The following CNTN5 variants were observed in gnomAD, a reference collection of about 807,000 sequenced individuals.
CNTN5 encodes the protein contactin-5.
CNTN5 carries 77 observed loss-of-function variants against 129.1 expected under a neutral mutation model. The observed-to-expected ratio is 0.60, with a 90% CI of 0.50 to 0.72. CNTN5 has a LOEUF of 0.72. CNTN5 is among the 30% of genes least tolerant of loss of function. CNTN5 has a pLI of 0.00. For missense variants in CNTN5, 1,478 were observed against 1,328.8 expected, an observed-to-expected ratio of 1.11 and a Z score of -1.75; for synonymous variants, 509 against 465.6, an observed-to-expected ratio of 1.09 and a Z score of -1.20.
intron 16 of CNTN5, among the ~76,000 whole-genome samples, chr11:100,240,387 A>G (rs558222601): frequency 9.2e-5 from 14 of 152,168 alleles, no homozygotes; most frequent in Admixed American, 2.0e-4. Flanking sequence ...GCTGAACTCC[A>G]ATGGCACACT....
At chr11:99,448,939 C>T (rs1322606770) in intron 2 of CNTN5, among the ~76,000 whole-genome samples, 1 of 151,426 alleles carries the variant, frequency 6.6e-6, no homozygotes, top group Non-Finnish European at 1.5e-5. Context: ...TACCACCATG[C>T]CTGGCTAATT....
intron 3 of CNTN5, among the ~76,000 whole-genome samples, chr11:99,713,071 G>A (rs114128293): frequency 0.066 from 10,058 of 152,076 alleles, 511 homozygotes; most frequent in East Asian, 0.19. Context: ...AAATTACTTC[G>A]GGCAATGTTG....
At chr11:100,056,018 A>C (rs565252547) in intron 9 of CNTN5, among the ~76,000 whole-genome samples, 5 of 151,686 alleles carry the variant, frequency 3.3e-5, no homozygotes, top group African/African-American at 1.2e-4. Context: ...GCTGTAATCT[A>C]TCTATCACTT....
chr11:99,854,820 T>C (rs1333774445), intron 6 of CNTN5, among the ~76,000 whole-genome samples: 1 of 152,022 alleles, frequency 6.6e-6, no homozygotes, highest in Non-Finnish European at 1.5e-5. Flanking sequence ...CCAACGACAA[T>C]TTGTGCTAGG....
At chr11:100,072,216 T>C (rs1943949255) in intron 12 of CNTN5, among the ~76,000 whole-genome samples, 1 of 152,154 alleles carries the variant, frequency 6.6e-6, no homozygotes, top group South Asian at 2.1e-4. Flanking sequence ...CAATGCTTAA[T>C]AATTTCCCAG....
At chr11:99,448,770 A>ATTTTATTTTATTTTG (rs1944178906) in intron 2 of CNTN5, among the ~76,000 whole-genome samples, 1 of 147,620 alleles carries the variant, frequency 6.8e-6, no homozygotes, top group Non-Finnish European at 1.5e-5. Context: ...ATTTTATTTT[A>ATTTTATTTTATTTTG]TTTTATTTTA....
At chr11:100,090,423 G>A in intron 13 of CNTN5, among the ~76,000 whole-genome samples, 1 of 144,292 alleles carries the variant, frequency 6.9e-6, no homozygotes, top group East Asian at 2.3e-4. Flanking sequence ...TTTCTTTTCT[G>A]CCTGCCTGCC....
At chr11:100,117,180 G>C (rs1208028956) in intron 13 of CNTN5, among the ~76,000 whole-genome samples, 1 of 151,972 alleles carries the variant, frequency 6.6e-6, no homozygotes, top group East Asian at 1.9e-4. Context: ...CAAAAACATT[G>C]TGTGTCTATT....
intron 1 of CNTN5, among the ~76,000 whole-genome samples, chr11:99,314,314 A>G (rs1565484306): frequency 6.6e-6 from 1 of 152,060 alleles, no homozygotes; most frequent in Non-Finnish European, 1.5e-5. Context: ...ATATCTCACA[A>G]CTATACAGAT....
intron 9 of CNTN5, among the ~76,000 whole-genome samples, chr11:100,019,928 C>T (rs1203031518): frequency 1.3e-5 from 2 of 151,972 alleles, no homozygotes; most frequent in African/African-American, 4.8e-5. Flanking sequence ...TACCTGTTGA[C>T]CATTTGTACC....
chr11:100,084,903 G>C (rs1372713770), intron 13 of CNTN5, among the ~76,000 whole-genome samples: 3 of 152,072 alleles, frequency 2.0e-5, no homozygotes, highest in African/African-American at 7.2e-5. Context: ...CAGTAACTGA[G>C]TCTATGAAAT....
intron 1 of CNTN5, among the ~76,000 whole-genome samples, chr11:99,323,596 T>A (rs1016621929): frequency 6.6e-6 from 1 of 151,618 alleles, no homozygotes; most frequent in South Asian, 2.1e-4. Flanking sequence ...TAGGGAAAAA[T>A]GATGCACTGT....
At chr11:99,049,053 A>G (rs1158840115) in intron 1 of CNTN5, among the ~76,000 whole-genome samples, 1 of 152,132 alleles carries the variant, frequency 6.6e-6, no homozygotes, top group Admixed American at 6.6e-5. Flanking sequence ...GAAACATGGT[A>G]TAGTATATGC....
At chr11:99,831,678 G>GC (rs2135613082) in intron 4 of CNTN5, among the ~76,000 whole-genome samples, 1 of 152,216 alleles carries the variant, frequency 6.6e-6, no homozygotes, top group African/African-American at 2.4e-5. Flanking sequence ...CAACCACTAA[G>GC]CTGGTCATCA....
chr11:99,813,643 A>G (rs1414893568), intron 3 of CNTN5, among the ~76,000 whole-genome samples: 1 of 152,142 alleles, frequency 6.6e-6, no homozygotes, highest in Non-Finnish European at 1.5e-5. Context: ...TACTTTAGAT[A>G]GAGAAAAATG....
chr11:99,621,597 A>G (rs1591373905), intron 3 of CNTN5, among the ~76,000 whole-genome samples: 1 of 152,174 alleles, frequency 6.6e-6, no homozygotes, highest in African/African-American at 2.4e-5. Context: ...TCTATAATCT[A>G]TCACGAGGGC....
chr11:99,955,303 T>C (rs1004333081), intron 7 of CNTN5, among the ~76,000 whole-genome samples: 3 of 151,768 alleles, frequency 2.0e-5, no homozygotes, highest in African/African-American at 4.8e-5. Context: ...TAAGAACAAG[T>C]TGAAGTATTT....
chr11:100,202,846 A>G (rs997159980), intron 15 of CNTN5, among the ~76,000 whole-genome samples: 6 of 151,956 alleles, frequency 3.9e-5, no homozygotes, highest in Non-Finnish European at 8.8e-5. Flanking sequence ...ACACAGGCCC[A>G]TTTACGCAAC....
intron 1 of CNTN5, among the ~76,000 whole-genome samples, chr11:99,316,111 T>C (rs1350704507): frequency 1.3e-5 from 2 of 151,966 alleles, no homozygotes; most frequent in Non-Finnish European, 2.9e-5. Context: ...TGAACGCGGG[T>C]AGCAGATGTC....
Sources: gnomAD v4.1 joint callset for allele counts (sites outside exome capture counted in the v4.1 genomes callset) on GRCh38, gnomAD v4.1.1 for gene constraint, MANE v1.5 for transcripts, NCBI Gene and HGNC (gene_info 2026-07-23, HGNC 2026-07-21) for gene names.